TOP1: variants seen among roughly 807,000 people sequenced by gnomAD.
TOP1 encodes DNA topoisomerase I, also known as DNA topoisomerase 1.
TOP1 carries 10 observed loss-of-function variants against 111.1 expected under a neutral mutation model. That is an observed-to-expected ratio of 0.09 (90% CI 0.06 to 0.15). The LOEUF (loss-of-function observed/expected upper bound fraction) is 0.15, where lower values mean the gene tolerates loss of function less well. TOP1 is among the 10% of genes least tolerant of loss of function. TOP1 has a pLI of 1.00. For missense variants in TOP1, 474 were observed against 926.7 expected (o/e 0.51, Z 6.34); for synonymous variants, 271 against 302.9 (o/e 0.89, Z 1.10).
rs1443130458 is a variant in TOP1, at chr20:41,114,453, C to T, written c.1638+298C>T. Among the ~76,000 whole-genome samples, 1 of 152,202 alleles carries T rather than the reference C, an allele frequency of 6.6e-6. No individual in the cohort carries two copies. The highest frequency in any genetic ancestry group is 1.9e-4 in the East Asian group (1 of 5,192). Reference sequence around the variant, plus strand: ...TATTAAAATAAATAAAAATAAATGACTTGAAAGAGGGGAGAGGTATTATTT... The same window carrying T: ...TATTAAAATAAATAAAAATAAATGATTTGAAAGAGGGGAGAGGTATTATTT... On this transcript the variant is annotated intron_variant, in intron 15 of 20. Transcript: ENST00000361337. This position sits in a 1 kb window ranked among gnomAD's most constrained non-coding sequence, Gnocchi z 4.5.
rs1032941531 is a variant in TOP1 at position 41,106,451 on chromosome 20, T to C, written c.1308+5098T>C. Among the ~76,000 whole-genome samples, 2 of 152,258 alleles carry C rather than the reference T, an allele frequency of 1.3e-5. No individual in the cohort carries two copies. Among genetic ancestry groups the C allele is most frequent in the African/African-American group, 4.8e-5 (2 of 41,474 alleles). Reference sequence around the variant, plus strand: ...ATTCTAATAAAAACTGTTGAGATTTTTATTGGAATTGCAATACATTTATAG... The same window carrying C: ...ATTCTAATAAAAACTGTTGAGATTTCTATTGGAATTGCAATACATTTATAG... On this transcript the variant is annotated intron_variant, in intron 13 of 20. Coordinates refer to ENST00000361337, the MANE Select transcript of TOP1 (RefSeq NM_003286.4). The surrounding 1 kb of genome is among the most constrained non-coding windows in gnomAD (Gnocchi z 4.3).
rs925964671 is a variant in TOP1, at chr20:41,082,015, G to A, written c.507+775G>A. Reference sequence around the variant, plus strand: ...CTCCTTTTGACACTTTTGAGTTCTTGTACCAAAAAATTGTTAGCAGGTAAT... The same window carrying A: ...CTCCTTTTGACACTTTTGAGTTCTTATACCAAAAAATTGTTAGCAGGTAAT... On this transcript the variant is annotated intron_variant, in intron 7 of 20. Coordinates refer to ENST00000361337, the MANE Select transcript of TOP1 (RefSeq NM_003286.4). This position sits in a 1 kb window ranked among gnomAD's most constrained non-coding sequence, Gnocchi z 4.1. Among the ~76,000 whole-genome samples the A allele has an allele frequency of 2.0e-5, 3 of 152,122 alleles. No individual in the cohort carries two copies. Among genetic ancestry groups the A allele is most frequent in the African/African-American group, 7.2e-5 (3 of 41,420 alleles).
At chr20:41,081,056 A>G in intron 6 of TOP1, 109 bp from the exon 7 acceptor site, 1 of 923,720 alleles carries the variant, frequency 1.1e-6, no homozygotes, top group Non-Finnish European at 1.6e-6. Flanking sequence ...GCCAAGAATA[A>G]CAGTGATTAC....
chr20:41,040,877 A>C (rs1373491887), intron 2 of TOP1, among the ~76,000 whole-genome samples: 3 of 152,004 alleles, frequency 2.0e-5, no homozygotes, highest in Admixed American at 6.6e-5. Flanking sequence ...GAATGAATGA[A>C]TGCCTCTTAG....
In TOP1 at chr20:41,028,959, GC is replaced by G; in HGVS notation, c.-108del. The G allele has an allele frequency of 1.1e-6, 1 of 900,130 alleles. No individual in the cohort carries two copies. The highest frequency in any genetic ancestry group is 1.7e-6 in the Non-Finnish European group (1 of 585,178). 55.8% of individuals were successfully genotyped at this position (900,130 alleles called of 1,614,324 possible). A position where few individuals can be genotyped will look rare whatever the true frequency, so the allele number is the denominator to read the frequency against. On this transcript the variant is annotated 5_prime_UTR_variant, in exon 1 of 21. Coordinates refer to ENST00000361337, the MANE Select transcript of TOP1 (RefSeq NM_003286.4). The stretch of plus-strand genomic sequence containing the variant: ...GGCCCACAGTCACCGCCGCTTACCT[GC>G]GCCTCCTCGAGCCTCCGGAGTCCCC...
Position 41,029,358 on chromosome 20 carries a change from C to T in TOP1, c.34-73C>T. The T allele has an allele frequency of 7.2e-7, 1 of 1,385,758 alleles. No homozygotes were observed. The highest frequency in any genetic ancestry group is 9.5e-7 in the Non-Finnish European group (1 of 1,050,674). 85.8% of individuals were successfully genotyped at this position (1,385,758 alleles called of 1,614,324 possible). On this transcript the variant is annotated intron_variant, in intron 1 of 20. Coordinates refer to ENST00000361337, the MANE Select transcript of TOP1 (RefSeq NM_003286.4). The surrounding 1 kb of genome is among the most constrained non-coding windows in gnomAD (Gnocchi z 6.1). ...CCGGGGGCGCAGGGTGAGCCAGACC[C>T]CGGCCGCGCGCGCTCGCCGCCGGAG...
At chr20:41,031,601 C>T (rs150481299) in intron 2 of TOP1, among the ~76,000 whole-genome samples, 1 of 152,330 alleles carries the variant, frequency 6.6e-6, no homozygotes, top group East Asian at 1.9e-4. Context: ...TGAATCTCAG[C>T]TCTTTCCATG....
chr20:41,068,128 C>G (rs968119496), intron 3 of TOP1, among the ~76,000 whole-genome samples: 2 of 152,218 alleles, frequency 1.3e-5, no homozygotes, highest in Non-Finnish European at 2.9e-5. Context: ...GCACCCCTTA[C>G]TTGTATGCAT....
intron 3 of TOP1, among the ~76,000 whole-genome samples, chr20:41,070,410 G>C (rs999798592): frequency 6.6e-6 from 1 of 152,156 alleles, no homozygotes; most frequent in African/African-American, 2.4e-5. Flanking sequence ...TTGTGATTTT[G>C]TTTAGAGATA....
chr20:41,029,681 T>A lies in TOP1; in HGVS notation c.58+226T>A, dbSNP rs1156721815. On this transcript the variant is annotated intron_variant, in intron 2 of 20. Coordinates refer to ENST00000361337, the MANE Select transcript of TOP1 (RefSeq NM_003286.4). This position sits in a 1 kb window ranked among gnomAD's most constrained non-coding sequence, Gnocchi z 6.1. ...CCAAGAGGGGACAACGGAGACCCCGTGTCGTCCGCCACCGGGCCTCGGGCG... is the reference window on the plus strand; with the variant it reads ...CCAAGAGGGGACAACGGAGACCCCGAGTCGTCCGCCACCGGGCCTCGGGCG... 1 of 611,084 alleles carries A rather than the reference T, an allele frequency of 1.6e-6. No homozygotes were observed. Among genetic ancestry groups the A allele is most frequent in the Non-Finnish European group, 3.0e-6 (1 of 334,906 alleles). 37.9% of individuals were successfully genotyped at this position (611,084 alleles called of 1,614,324 possible).
intron 2 of TOP1, among the ~76,000 whole-genome samples, chr20:41,039,839 G>A (rs1025363064): frequency 6.6e-5 from 10 of 152,022 alleles, no homozygotes; most frequent in East Asian, 1.9e-4. Context: ...CCCAGGAGGC[G>A]GAGCTTGCAG....
intron 18 of TOP1, among the ~76,000 whole-genome samples, chr20:41,120,963 G>A (rs1273102650): frequency 6.6e-6 from 1 of 152,168 alleles, no homozygotes; most frequent in Non-Finnish European, 1.5e-5. Context: ...GGATGGTCTT[G>A]ATCTCCTGAC....
chr20:41,073,458 T>C (rs2033690907), intron 3 of TOP1: 3 of 984,864 alleles, frequency 3.0e-6, no homozygotes, highest in Non-Finnish European at 2.4e-6. Flanking sequence ...TATCCAAACA[T>C]CTTTATTCTA....
At chr20:41,090,319 G>C (rs562809784) in intron 8 of TOP1, among the ~76,000 whole-genome samples, 10 of 152,108 alleles carry the variant, frequency 6.6e-5, no homozygotes, top group Admixed American at 6.5e-4. Flanking sequence ...TCCACCTTAA[G>C]ACTGAGACTT....
rs750792533 is a variant in TOP1 at position 41,034,130 on chromosome 20, A to C, written c.58+4675A>C. On this transcript the variant is annotated intron_variant, in intron 2 of 20. Coordinates refer to ENST00000361337, the MANE Select transcript of TOP1 (RefSeq NM_003286.4). The surrounding 1 kb of genome is among the most constrained non-coding windows in gnomAD (Gnocchi z 4.0). ...ACCATTAACTTTGGATAATAAGGGC[A>C]TTTAGGCAAACAGTTGACACATGGA... 1.3e-5 allele frequency among the ~76,000 whole-genome samples: 2 copies of C among 152,230 alleles called. No individual in the cohort carries two copies. Among genetic ancestry groups the C allele is most frequent in the Non-Finnish European group, 2.9e-5 (2 of 68,032 alleles).
In TOP1 at chr20:41,116,185, A is replaced by G. The variant is rs1600603183; in HGVS notation, c.1708-93A>G. ...CTTGTAGGGCAATAAACTTGACAAG[A>G]TTGTGACTGCACTGGCATAAATTAC... On this transcript the variant is annotated intron_variant, in intron 16 of 20. Coordinates refer to ENST00000361337, the MANE Select transcript of TOP1 (RefSeq NM_003286.4). The surrounding 1 kb of genome is among the most constrained non-coding windows in gnomAD (Gnocchi z 5.6). 1 of 763,416 alleles carries G rather than the reference A, an allele frequency of 1.3e-6. No individual in the cohort carries two copies. The highest frequency in any genetic ancestry group is 2.2e-6 in the Non-Finnish European group (1 of 449,146). The allele number at this position is 763,416 out of a possible 1,614,324, so 47.3% of individuals were successfully genotyped here. A position where few individuals can be genotyped will look rare whatever the true frequency, so the allele number is the denominator to read the frequency against.
rs571496443 is a variant in TOP1, at chr20:41,058,650, C to T, written c.59-2744C>T. ...GTCGGAAGTTGCCCCCTCACAATTCCACTTCATCTTGTTTGTTAGGAGTGA... is the reference window on the plus strand; with the variant it reads ...GTCGGAAGTTGCCCCCTCACAATTCTACTTCATCTTGTTTGTTAGGAGTGA... On this transcript the variant is annotated intron_variant, in intron 2 of 20. Coordinates refer to ENST00000361337, the MANE Select transcript of TOP1 (RefSeq NM_003286.4). The surrounding 1 kb of genome is among the most constrained non-coding windows in gnomAD (Gnocchi z 4.2). 6.6e-6 allele frequency among the ~76,000 whole-genome samples: 1 copy of T among 152,244 alleles called. No homozygotes were observed. The highest frequency in any genetic ancestry group is 1.9e-4 in the East Asian group (1 of 5,174).
At chr20:41,050,676 C>A (rs990711932) in intron 2 of TOP1, among the ~76,000 whole-genome samples, 1 of 152,164 alleles carries the variant, frequency 6.6e-6, no homozygotes, top group African/African-American at 2.4e-5. Context: ...TGTTTTTACT[C>A]CTCAACCATT....
chr20:41,031,222 A>G (rs1170797594), intron 2 of TOP1, among the ~76,000 whole-genome samples: 1 of 152,232 alleles, frequency 6.6e-6, no homozygotes, highest in Admixed American at 6.5e-5. Context: ...TTAGAAAGCC[A>G]CAGTATAGAC....
Sources: allele counts gnomAD v4.1 joint callset (sites outside exome capture counted in the v4.1 genomes callset), GRCh38; gene constraint gnomAD v4.1.1; non-coding constraint Gnocchi (gnomAD v3.1); transcripts MANE v1.5; gene names NCBI Gene and HGNC (gene_info 2026-07-23, HGNC 2026-07-21).